NOL8: variants seen among roughly 807,000 people sequenced by gnomAD.
NOL8 encodes the protein nucleolar protein Nop132.
A neutral mutation model predicts 116.1 loss-of-function variants in NOL8; 93 were observed. That is an observed-to-expected ratio of 0.80 (90% CI 0.68 to 0.95). NOL8 has a LOEUF of 0.95. Among genes scored for constraint, NOL8 ranks in the 40% least tolerant of loss-of-function variants. The pLI, the probability that NOL8 is intolerant of heterozygous loss-of-function variation, is 0.00. For missense variants in NOL8, 1,291 were observed against 1,382.8 expected (o/e 0.93, Z 1.05); for synonymous variants, 419 against 469.0 (o/e 0.89, Z 1.38).
chr9:92,311,591 CA>C (rs1015481945), intron 7 of NOL8, among the ~76,000 whole-genome samples: 2 of 151,818 alleles, frequency 1.3e-5, no homozygotes, highest in East Asian at 1.9e-4. Flanking sequence ...AACAAGCATA[CA>C]AAAAAAATGC....
At position 92,315,435 on chromosome 9, in the gene NOL8, C is replaced by T. The variant is rs770381153; in HGVS notation, c.1190G>A (p.Ser397Asn). The change falls in exon 7 of 17, where the codon AGT becomes AAT. Residue 397 changes from serine to asparagine, a missense_variant. By Grantham distance (46) the Ser-to-Asn change is conservative. Transcript: ENST00000442668. Reference protein sequence around the residue: ...MKKNVAKVKNSTEFSQMEKST... With the variant: ...MKKNVAKVKNNTEFSQMEKST... ...TTTTTCCATTTGTGAAAATTCTGTA[C>T]TGTTTTTGACCTTAGCAACATTTTT... is the stretch of plus-strand genomic sequence containing the variant. 4 of 1,591,188 alleles carry T rather than the reference C, an allele frequency of 2.5e-6. No individual in the cohort carries two copies. The highest frequency in any genetic ancestry group is 2.3e-5 in the South Asian group (2 of 88,520).
intron 5 of NOL8, 191 bp downstream of exon 5, chr9:92,319,030 A>C (rs1211115480): frequency 1.7e-6 from 1 of 573,788 alleles, no homozygotes; most frequent in East Asian, 3.3e-5. Flanking sequence ...TTTCTCTGTA[A>C]AATGATGGAG....
In NOL8 at chr9:92,314,741, A is replaced by G. The variant is rs1428739732; in HGVS notation, c.1884T>C (p.Thr628=). 1 of 1,613,788 alleles carries G rather than the reference A, an allele frequency of 6.2e-7. No homozygotes were observed. The highest frequency in any genetic ancestry group is 2.2e-5 in the East Asian group (1 of 44,872). The change falls in exon 7 of 17, where the codon ACT becomes ACC. Residue 628 remains threonine (T), a synonymous_variant. Coordinates refer to ENST00000442668, the MANE Select transcript of NOL8 (RefSeq NM_017948.6). The part of the protein sequence containing the change: ...PYVNGSLGEV[T]PCQHAKKANG... ...TCGCCTTCTTTGCATGTTGGCATGG[A>G]GTCACTTCACCTAATGAGCCATTAA...
In NOL8 at chr9:92,297,832, T is replaced by C. The variant is rs1299427559; in HGVS notation, c.*4A>G. The C allele has an allele frequency of 1.5e-5, 23 of 1,547,554 alleles. No homozygotes were observed. Among genetic ancestry groups the C allele is most frequent in the Non-Finnish European group, 2.0e-5 (23 of 1,144,316 alleles). On this transcript the variant is annotated 3_prime_UTR_variant, in exon 17 of 17. Coordinates refer to ENST00000442668, the MANE Select transcript of NOL8 (RefSeq NM_017948.6). ...CATTCAGTATCAAAACCAGCTGACA[T>C]TTATTATTTTGGTTTCATTTTCCTT... is the stretch of plus-strand genomic sequence containing the variant.
At chr9:92,324,283 T>C (rs1343357423) in intron 1 of NOL8, 74 bp from the exon 2 acceptor site, 3 of 1,139,284 alleles carry the variant, frequency 2.6e-6, no homozygotes, top group Non-Finnish European at 3.7e-6. Context: ...CTGAACCTTC[T>C]GTATCAAATC....
Position 92,311,183 on chromosome 9 carries a change from G to T in NOL8, c.2435C>A (p.Thr812Asn). Residue 812 changes from threonine to asparagine, a missense_variant, in exon 8 of 17, where the codon ACT (threonine) becomes AAT (asparagine). Coordinates refer to ENST00000442668, the MANE Select transcript of NOL8 (RefSeq NM_017948.6). ...DSECETEETS[T>N]QEQSHPGEEW... Reference sequence around the variant, plus strand: ...CTCTCCTGGATGGCTCTGCTCCTGAGTCGATGTCTCCTCTGTTTCACATTC... The same window carrying T: ...CTCTCCTGGATGGCTCTGCTCCTGATTCGATGTCTCCTCTGTTTCACATTC... The T allele has an allele frequency of 6.2e-7, 1 of 1,613,822 alleles. No homozygotes were observed. Among genetic ancestry groups the T allele is most frequent in the Non-Finnish European group, 8.5e-7 (1 of 1,179,794 alleles).
At chr9:92,310,350 A>C in intron 9 of NOL8, 89 bp from the exon 10 acceptor site, 2 of 1,213,662 alleles carry the variant, frequency 1.6e-6, no homozygotes, top group South Asian at 2.6e-5. Flanking sequence ...CTCCCCACAC[A>C]CTGAAATTCA....
rs1839149260 is a variant in NOL8, at chr9:92,314,340, A to G, written c.2285T>C (p.Leu762Ser). ...TTTTTGCCTCGCTTCCAAGGCTGCC[A>G]AACGCTTCTCATTGTCTTCAGCATG... The part of the protein sequence containing the change: ...DKHAEDNEKR[L>S]AALEARQKAK... Residue 762 changes from leucine to serine, a missense_variant, in exon 7 of 17, where the codon TTG (leucine) becomes TCG (serine). By Grantham distance (145) the Leu-to-Ser change is moderately radical. Transcript: ENST00000442668. The G allele has an allele frequency of 6.2e-7, 1 of 1,610,618 alleles. No homozygotes were observed. Among genetic ancestry groups the G allele is most frequent in the Non-Finnish European group, 8.5e-7 (1 of 1,177,196 alleles).
chr9:92,300,829 A>C (rs1323424019), intron 13 of NOL8: 1 of 1,092,972 alleles, frequency 9.1e-7, no homozygotes, highest in East Asian at 6.7e-5. Flanking sequence ...AAAAAAAAAA[A>C]ATTATTTTAA....
intron 10 of NOL8, among the ~76,000 whole-genome samples, chr9:92,307,332 C>G (rs959452267): frequency 2.0e-5 from 3 of 152,086 alleles, no homozygotes; most frequent in Non-Finnish European, 4.4e-5. Flanking sequence ...GAGCAAGATA[C>G]TAATAACTAC....
chr9:92,317,852 G>A (rs1206322525), intron 6 of NOL8, among the ~76,000 whole-genome samples: 1 of 151,532 alleles, frequency 6.6e-6, no homozygotes, highest in East Asian at 1.9e-4. Flanking sequence ...GGCCAACATG[G>A]TGAAACCCCG....
intron 16 of NOL8, 72 bp from the exon 17 acceptor site, chr9:92,297,958 C>A: frequency 7.8e-7 from 1 of 1,289,564 alleles, no homozygotes; most frequent in Non-Finnish European, 1.1e-6. Context: ...AGAAGTAAAA[C>A]AGGTTATTCT....
intron 11 of NOL8, 40 bp downstream of exon 11, chr9:92,306,846 A>G: frequency 6.4e-7 from 1 of 1,573,326 alleles, no homozygotes. Context: ...ATTTATGGCA[A>G]AGGATGATAT....
rs914130587 is a variant in NOL8 at position 92,299,990 on chromosome 9, G to C, written c.3202C>G (p.Pro1068Ala). ...TCTTCCTGCCAGACAATCTTTCCAG[G>C]TTTCACTGTTTCAACTCTGTAGGTC... is the stretch of plus-strand genomic sequence containing the variant. ...EETYRVETVKPGKIVWQEDPR... is the reference protein window; with the variant it reads ...EETYRVETVKAGKIVWQEDPR... Residue 1068 changes from proline to alanine, a missense_variant, in exon 14 of 17, where the codon CCT becomes GCT. Transcript: ENST00000442668. 7 of 1,613,232 alleles carry C rather than the reference G, an allele frequency of 4.3e-6. No individual in the cohort carries two copies. In the African/African-American group the frequency reaches 6.7e-5, roughly 15 times the overall value.
In NOL8 at chr9:92,314,322, C is replaced by G. The variant is rs760452420; in HGVS notation, c.2303G>C (p.Arg768Thr). 2 of 1,601,876 alleles carry G rather than the reference C, an allele frequency of 1.2e-6. No individual in the cohort carries two copies. Among genetic ancestry groups the G allele is most frequent in the Non-Finnish European group, 1.7e-6 (2 of 1,172,456 alleles). ...CTTCTGCACTTCTTTTGCTTTTTGC[C>G]TCGCTTCCAAGGCTGCCAAACGCTT... ...NEKRLAALEARQKAKEVQKKL... is the reference protein window; with the variant it reads ...NEKRLAALEATQKAKEVQKKL... Residue 768 changes from arginine to threonine, a missense_variant, in exon 7 of 17, where the codon AGG becomes ACG. Transcript: ENST00000442668.
chr9:92,310,326 C>A (rs755820456), intron 9 of NOL8, 65 bp from the exon 10 acceptor site: 7 of 1,406,054 alleles, frequency 5.0e-6, no homozygotes, highest in Non-Finnish European at 6.9e-6. Flanking sequence ...CTGACGAAGA[C>A]TGTCAATGTA....
rs1001644122 is a variant in NOL8, at chr9:92,301,534, G to A, written c.3175+17C>T. ...AAACTGAATAAAATAAAAAAGTATG[G>A]GAAAAAAGAAAAGTACCTTCCTTTA... On this transcript the variant is annotated intron_variant, in intron 13 of 16. Transcript: ENST00000442668. 3.9e-6 allele frequency: 6 copies of A among 1,545,528 alleles called. No homozygotes were observed. In the South Asian group the frequency reaches 4.9e-5, roughly 13 times the overall value.
At chr9:92,310,458 G>T in intron 9 of NOL8, 95 bp downstream of exon 9, 1 of 1,372,560 alleles carries the variant, frequency 7.3e-7, no homozygotes, top group Non-Finnish European at 1.0e-6. Flanking sequence ...ATGCTATAAT[G>T]TAGGTTAAGG....
At chr9:92,298,120 A>C in intron 16 of NOL8, 137 bp downstream of exon 16, 1 of 717,982 alleles carries the variant, frequency 1.4e-6, no homozygotes, top group Admixed American at 3.0e-5. Flanking sequence ...GCTTGGCTGG[A>C]TTCTGAGACC....
Sources: allele counts gnomAD v4.1 joint callset (sites outside exome capture counted in the v4.1 genomes callset), GRCh38; gene constraint gnomAD v4.1.1; transcripts MANE v1.5; gene names NCBI Gene and HGNC (gene_info 2026-07-23, HGNC 2026-07-21).